PDE11A: variants seen among roughly 807,000 people sequenced by gnomAD.
PDE11A encodes phosphodiesterase 11A, also known as dual 3',5'-cyclic-AMP and -GMP phosphodiesterase 11A.
Under a neutral mutation model 100.5 loss-of-function variants are expected in PDE11A, and 100 were observed. The observed-to-expected ratio is 1.00, with a 90% confidence interval of 0.85 to 1.18. The LOEUF is 1.18. Among genes scored for constraint, PDE11A ranks in the 50% most tolerant of loss-of-function variants. PDE11A has a pLI of 0.00. For synonymous variants in PDE11A, 381 were observed against 420.8 expected, an observed-to-expected ratio of 0.91 and a Z score of 1.16; for missense variants, 1,141 against 1,152.6, an observed-to-expected ratio of 0.99 and a Z score of 0.15.
intron 2 of PDE11A, among the ~76,000 whole-genome samples, chr2:177,963,581 C>T (rs2573079): frequency 0.34 from 51,863 of 152,094 alleles, 10,822 homozygotes; most frequent in African/African-American, 0.59. Flanking sequence ...AAGTACTACT[C>T]TCCCCTGGTC....
In PDE11A at chr2:177,697,436, TA is replaced by T; in HGVS notation, c.2245-5del. On this transcript the variant is annotated splice_region_variant and splice_polypyrimidine_tract_variant and intron_variant, in intron 14 of 19. Coordinates refer to ENST00000286063, the MANE Select transcript of PDE11A (RefSeq NM_016953.4). ...GGTTAGCAAAGATATTGTGACCCTGTAATGAGAAAGTAAAAAGTCACAAAAG... is the reference window on the plus strand; with the variant it reads ...GGTTAGCAAAGATATTGTGACCCTGTATGAGAAAGTAAAAAGTCACAAAAG... 7.1e-7 allele frequency: 1 copy of T among 1,417,994 alleles called. No homozygotes were observed. Among genetic ancestry groups the T allele is most frequent in the Non-Finnish European group, 1.0e-6 (1 of 1,001,228 alleles). 87.8% of individuals were successfully genotyped at this position (1,417,994 alleles called of 1,614,324 possible). A position where few individuals can be genotyped will look rare whatever the true frequency, so the allele number is the denominator to read the frequency against.
At chr2:177,890,434 G>C (rs2084511654) in intron 4 of PDE11A, among the ~76,000 whole-genome samples, 1 of 152,160 alleles carries the variant, frequency 6.6e-6, no homozygotes, top group African/African-American at 2.4e-5. Context: ...TGAACATTGT[G>C]CTCTACCCAA....
intron 1 of PDE11A, among the ~76,000 whole-genome samples, chr2:178,042,999 GA>G (rs1216582530): frequency 2.0e-5 from 3 of 152,112 alleles, no homozygotes; most frequent in African/African-American, 7.2e-5. Context: ...AGATTTTATA[GA>G]TTTTTTTCCT....
intron 10 of PDE11A, among the ~76,000 whole-genome samples, chr2:177,729,764 A>G (rs2081653646): frequency 6.6e-6 from 1 of 152,176 alleles, no homozygotes; most frequent in Non-Finnish European, 1.5e-5. Context: ...TTTTGCTTCA[A>G]GAGTTCTGAA....
At chr2:178,092,937 A>G (rs1225086399) in intron 2 of PDE11A, 1 of 152,348 alleles carries the variant, frequency 6.6e-6, no homozygotes, top group South Asian at 2.1e-4. Context: ...CAAATATTCC[A>G]TCAGAGTCTC....
intron 2 of PDE11A, among the ~76,000 whole-genome samples, chr2:178,000,576 T>C (rs1388695827): frequency 6.6e-6 from 1 of 152,194 alleles, no homozygotes; most frequent in East Asian, 1.9e-4. Flanking sequence ...TAAACAACCA[T>C]AAATTTAAAA....
At chr2:177,716,269 A>C (rs2081435733) in intron 12 of PDE11A, among the ~76,000 whole-genome samples, 1 of 152,072 alleles carries the variant, frequency 6.6e-6, no homozygotes, top group African/African-American at 2.4e-5. Flanking sequence ...AGACTTAGGC[A>C]CTCATTGTTT....
At chr2:178,073,448 T>C (rs144650108), upstream of PDE11A, among the ~76,000 whole-genome samples, 4 of 152,008 alleles carry the variant, frequency 2.6e-5, no homozygotes, top group East Asian at 7.8e-4. Flanking sequence ...GTTTACCAGG[T>C]AGAGGAAGTA....
intron 5 of PDE11A, among the ~76,000 whole-genome samples, chr2:177,848,132 GT>G (rs932543523): frequency 2.9e-4 from 44 of 151,464 alleles, no homozygotes; most frequent in East Asian, 3.9e-4. Context: ...TGTTTCTAAA[GT>G]TTTTTTTTAA....
chr2:177,706,357 G>A (rs1480737683), intron 13 of PDE11A, among the ~76,000 whole-genome samples: 1 of 152,088 alleles, frequency 6.6e-6, no homozygotes, highest in Non-Finnish European at 1.5e-5. Context: ...ATTCGACTGG[G>A]AGCACTTTAA....
At chr2:177,934,190 G>A (rs2085244673) in intron 2 of PDE11A, among the ~76,000 whole-genome samples, 1 of 152,038 alleles carries the variant, frequency 6.6e-6, no homozygotes, top group Non-Finnish European at 1.5e-5. Flanking sequence ...CATCAACAGA[G>A]TAAACAGACC....
intron 2 of PDE11A, among the ~76,000 whole-genome samples, chr2:177,968,436 T>C (rs1461499409): frequency 6.6e-6 from 1 of 152,234 alleles, no homozygotes; most frequent in Non-Finnish European, 1.5e-5. Context: ...AAGGTAGAAA[T>C]TGTTTTTTCT....
chr2:178,009,251 C>G (rs917728274), intron 2 of PDE11A, among the ~76,000 whole-genome samples: 4 of 152,132 alleles, frequency 2.6e-5, no homozygotes, highest in African/African-American at 9.7e-5. Flanking sequence ...TGCAAAGAGT[C>G]TACTCATACC....
intron 10 of PDE11A, among the ~76,000 whole-genome samples, chr2:177,732,395 T>C (rs1423388497): frequency 2.6e-5 from 4 of 152,214 alleles, no homozygotes. Flanking sequence ...TTTCAAGAGA[T>C]AGAGGCCCTG....
At chr2:177,696,007 G>C (rs1393510924) in intron 15 of PDE11A, among the ~76,000 whole-genome samples, 2 of 152,192 alleles carry the variant, frequency 1.3e-5, no homozygotes, top group African/African-American at 2.4e-5. Context: ...TCAGGGCACA[G>C]GGGGCATTAC....
chr2:178,005,171 A>G (rs1182020263), intron 2 of PDE11A, among the ~76,000 whole-genome samples: 1 of 151,726 alleles, frequency 6.6e-6, no homozygotes, highest in Non-Finnish European at 1.5e-5. Context: ...AAAAAAAGAA[A>G]GATTCTGTTG....
In PDE11A at chr2:178,072,529, A is replaced by C; in HGVS notation, c.-92T>G. 1 of 1,573,172 alleles carries C rather than the reference A, an allele frequency of 6.4e-7. No homozygotes were observed. The highest frequency in any genetic ancestry group is 8.6e-7 in the Non-Finnish European group (1 of 1,166,192). On this transcript the variant is annotated 5_prime_UTR_variant, in exon 1 of 20. Coordinates refer to ENST00000286063, the MANE Select transcript of PDE11A (RefSeq NM_016953.4). ...GCTGTTCCTGCACATGTTCACCCCC[A>C]CCAGTATTCCCAGTTCAGCGCCACC...
At chr2:177,870,935 A>G (rs1558983528) in intron 5 of PDE11A, among the ~76,000 whole-genome samples, 1 of 152,164 alleles carries the variant, frequency 6.6e-6, no homozygotes, top group Non-Finnish European at 1.5e-5. Context: ...CTGGAAATAG[A>G]ACCTCTTTTA....
intron 2 of PDE11A, among the ~76,000 whole-genome samples, chr2:177,912,829 C>G (rs1056383375): frequency 6.6e-6 from 1 of 152,090 alleles, no homozygotes; most frequent in Non-Finnish European, 1.5e-5. Flanking sequence ...ATTTTATCAG[C>G]TTTTTTCACT....
Sources: gnomAD v4.1 joint callset for allele counts (sites outside exome capture counted in the v4.1 genomes callset) on GRCh38, gnomAD v4.1.1 for gene constraint, MANE v1.5 for transcripts, NCBI Gene and HGNC (gene_info 2026-07-23, HGNC 2026-07-21) for gene names.